PPARGC1A: variants seen among roughly 807,000 people sequenced by gnomAD.
PPARGC1A encodes the protein PPARG coactivator 1 alpha, also known as peroxisome proliferator-activated receptor gamma coactivator 1-alpha.
Under a neutral mutation model 88.7 loss-of-function variants are expected in PPARGC1A, and 25 were observed. The observed-to-expected ratio is 0.28, with a 90% CI of 0.21 to 0.39. PPARGC1A has a LOEUF of 0.39. PPARGC1A is among the 10% of genes least tolerant of loss of function. PPARGC1A has a pLI of 1.00. For missense variants in PPARGC1A, 880 were observed against 968.7 expected (o/e 0.91, Z 1.22); for synonymous variants, 363 against 355.6 (o/e 1.02, Z -0.24).
the PPARGC1A span, among the ~76,000 whole-genome samples, chr4:24,266,698 C>A: frequency 2.6e-5 from 4 of 151,964 alleles, no homozygotes; most frequent in African/African-American, 9.7e-5. Flanking sequence ...TTAAGCTGAG[C>A]CTTGAATAAT....
At chr4:23,842,107 G>T (rs1297486511) in intron 2 of PPARGC1A, among the ~76,000 whole-genome samples, 1 of 151,980 alleles carries the variant, frequency 6.6e-6, no homozygotes, top group Admixed American at 6.6e-5. Context: ...TTCATATTGG[G>T]GACTAAGAAG....
At chr4:24,468,800 G>T in the PPARGC1A span, among the ~76,000 whole-genome samples, 1 of 151,822 alleles carries the variant, frequency 6.6e-6, no homozygotes, top group Non-Finnish European at 1.5e-5. Context: ...TGTTTATAAC[G>T]AGAGGCGTCA....
At chr4:23,914,671 T>C in the PPARGC1A span, among the ~76,000 whole-genome samples, 3 of 151,982 alleles carry the variant, frequency 2.0e-5, no homozygotes, top group African/African-American at 4.8e-5. Context: ...ATCTTCAAAA[T>C]TGTATTTAAA....
At chr4:23,974,975 A>G in the PPARGC1A span, among the ~76,000 whole-genome samples, 1 of 151,552 alleles carries the variant, frequency 6.6e-6, no homozygotes, top group Admixed American at 6.6e-5. Flanking sequence ...TTTTATTTAG[A>G]TAATATTGTT....
chr4:24,092,707 G>T, the PPARGC1A span, among the ~76,000 whole-genome samples: 4 of 152,150 alleles, frequency 2.6e-5, no homozygotes, highest in African/African-American at 9.7e-5. Flanking sequence ...CAGAAGGAAT[G>T]AGACTAAAGC....
chr4:24,375,696 G>C, the PPARGC1A span, among the ~76,000 whole-genome samples: 1 of 152,118 alleles, frequency 6.6e-6, no homozygotes, highest in Non-Finnish European at 1.5e-5. Flanking sequence ...ACAGAGACTA[G>C]AGCCAGCATG....
the PPARGC1A span, among the ~76,000 whole-genome samples, chr4:24,067,924 T>C: frequency 6.6e-6 from 1 of 152,310 alleles, no homozygotes; most frequent in South Asian, 2.1e-4. Flanking sequence ...CACCTGTTAC[T>C]TACTTGGTGA....
chr4:23,939,386 A>G, the PPARGC1A span, among the ~76,000 whole-genome samples: 390 of 152,344 alleles, frequency 2.6e-3, 2 homozygotes, highest in African/African-American at 8.8e-3. Flanking sequence ...GCATAAATAC[A>G]ATAAGCATAC....
the PPARGC1A span, among the ~76,000 whole-genome samples, chr4:23,941,395 C>A: frequency 6.6e-6 from 1 of 151,960 alleles, no homozygotes; most frequent in African/African-American, 2.4e-5. Context: ...AATGGATTAA[C>A]CAAACTATTT....
At chr4:24,414,509 T>A in the PPARGC1A span, among the ~76,000 whole-genome samples, 1 of 152,174 alleles carries the variant, frequency 6.6e-6, no homozygotes, top group Non-Finnish European at 1.5e-5. Context: ...AACAGCCCCA[T>A]TTAGATGATA....
chr4:24,100,668 G>A, the PPARGC1A span, among the ~76,000 whole-genome samples: 14 of 152,128 alleles, frequency 9.2e-5, no homozygotes, highest in Admixed American at 9.2e-4. Context: ...AATTAAATGA[G>A]TGATGAATAA....
At chr4:24,123,919 A>AAC in the PPARGC1A span, among the ~76,000 whole-genome samples, 9 of 151,214 alleles carry the variant, frequency 6.0e-5, no homozygotes, top group Non-Finnish European at 7.4e-5. Flanking sequence ...GCAAAAAAAA[A>AAC]AAAAAACAAA....
chr4:24,089,501 TTTTCTTTTCTTTC>T, the PPARGC1A span, among the ~76,000 whole-genome samples: 19 of 93,672 alleles, frequency 2.0e-4, no homozygotes, highest in East Asian at 2.2e-3. Context: ...TTTTCTTTTC[TTTTCTTTTCTTTC>T]TTTTTTTTTT....
At chr4:24,271,594 G>T in the PPARGC1A span, among the ~76,000 whole-genome samples, 1 of 152,184 alleles carries the variant, frequency 6.6e-6, no homozygotes, top group East Asian at 1.9e-4. Flanking sequence ...AGCCAGGATG[G>T]TCTCAATCTC....
chr4:24,468,658 G>A, the PPARGC1A span, among the ~76,000 whole-genome samples: 555 of 152,204 alleles, frequency 3.6e-3, 3 homozygotes, highest in African/African-American at 0.012. Flanking sequence ...GGTCAGTGAT[G>A]ATTTGTGGCT....
the PPARGC1A span, among the ~76,000 whole-genome samples, chr4:24,133,706 G>A: frequency 7.2e-5 from 11 of 152,066 alleles, no homozygotes; most frequent in African/African-American, 2.4e-4. Flanking sequence ...TTTCAGGACC[G>A]CTTTTCTAGA....
upstream of PPARGC1A, among the ~76,000 whole-genome samples, chr4:23,890,543 A>G (rs1333579633): frequency 1.3e-5 from 2 of 150,176 alleles, no homozygotes; most frequent in Non-Finnish European, 2.9e-5. Flanking sequence ...AGCTTATCAC[A>G]TGATGCATTT....
chr4:24,273,842 T>A, the PPARGC1A span, among the ~76,000 whole-genome samples: 2 of 150,926 alleles, frequency 1.3e-5, no homozygotes, highest in Non-Finnish European at 2.9e-5. Flanking sequence ...GCGATTCTCC[T>A]GCCTCAGCTT....
At chr4:23,910,332 T>TATTAACCC in the PPARGC1A span, among the ~76,000 whole-genome samples, 1 of 63,670 alleles carries the variant, frequency 1.6e-5, no homozygotes, top group Non-Finnish European at 2.5e-5. Context: ...ATATTATATA[T>TATTAACCC]TATATATATT....
Sources: allele counts gnomAD v4.1 joint callset (sites outside exome capture counted in the v4.1 genomes callset), GRCh38; gene constraint gnomAD v4.1.1; transcripts MANE v1.5; gene names NCBI Gene and HGNC (gene_info 2026-07-23, HGNC 2026-07-21).